The following PTPRQ variants were observed in gnomAD, a reference collection of about 807,000 sequenced individuals.
The protein encoded by PTPRQ is phosphatidylinositol phosphatase PTPRQ.
A neutral mutation model predicts 246.0 loss-of-function variants in PTPRQ; 199 were observed. That is an observed-to-expected ratio of 0.81 (90% CI 0.72 to 0.91). The LOEUF (loss-of-function observed/expected upper bound fraction) is 0.91, where lower values mean the gene tolerates loss of function less well. Among genes scored for constraint, PTPRQ ranks in the 40% least tolerant of loss-of-function variants. The probability of loss-of-function intolerance (pLI) is 0.00; values close to 1 mark genes in which losing one functional copy is unlikely to be tolerated. For missense variants in PTPRQ, 2,624 were observed against 2,528.4 expected (o/e 1.04, Z -0.81); for synonymous variants, 869 against 853.2 (o/e 1.02, Z -0.32).
intron 17 of PTPRQ, among the ~76,000 whole-genome samples, chr12:80,517,419 T>C (rs1592604891): frequency 1.3e-5 from 2 of 152,254 alleles, no homozygotes; most frequent in South Asian, 2.1e-4. Context: ...GTACATGAGA[T>C]ACTTTGATAC....
chr12:80,587,983 C>T, intron 25 of PTPRQ, 146 bp from the exon 26 acceptor site: 1 of 798,334 alleles, frequency 1.3e-6, no homozygotes. Context: ...AGGTTCTTCT[C>T]ATTAAGTGTG....
intron 33 of PTPRQ, among the ~76,000 whole-genome samples, chr12:80,627,393 AGAGGAG>A (rs200600955): frequency 6.7e-6 from 1 of 149,300 alleles, no homozygotes; most frequent in African/African-American, 2.5e-5. Context: ...AGAAGGAGGA[AGAGGAG>A]GAGGAGGAGG....
chr12:80,634,010 C>T (rs1313031956), intron 34 of PTPRQ, among the ~76,000 whole-genome samples: 3 of 152,158 alleles, frequency 2.0e-5, no homozygotes, highest in Non-Finnish European at 4.4e-5. Flanking sequence ...AAATGTGCTT[C>T]CTCCTCCTTC....
intron 17 of PTPRQ, among the ~76,000 whole-genome samples, chr12:80,514,563 A>G (rs1895228122): frequency 6.9e-6 from 1 of 144,888 alleles, no homozygotes; most frequent in Non-Finnish European, 1.5e-5. Flanking sequence ...ATATAAATAT[A>G]TATTATACAA....
intron 27 of PTPRQ, 86 bp downstream of exon 27, chr12:80,605,266 T>G: frequency 2.7e-6 from 4 of 1,482,720 alleles, no homozygotes; most frequent in Non-Finnish European, 3.6e-6. Context: ...AATTTGAATT[T>G]TGGCTCTGTT....
intron 35 of PTPRQ, among the ~76,000 whole-genome samples, chr12:80,637,113 G>A (rs1899683675): frequency 6.6e-6 from 1 of 151,986 alleles, no homozygotes; most frequent in Middle Eastern, 3.2e-3. Context: ...TATAAAATTA[G>A]CCCAGCATGG....
intron 17 of PTPRQ, among the ~76,000 whole-genome samples, chr12:80,531,969 A>T (rs932760499): frequency 6.6e-6 from 1 of 152,074 alleles, no homozygotes; most frequent in African/African-American, 2.4e-5. Flanking sequence ...TTTGAGATAA[A>T]AATTTATTTT....
chr12:80,615,418 G>A (rs141717075), intron 29 of PTPRQ, among the ~76,000 whole-genome samples: 2,485 of 151,022 alleles, frequency 0.016, 52 homozygotes, highest in South Asian at 0.064. Flanking sequence ...TGGGTTTATC[G>A]AGTACAATGA....
At chr12:80,633,848 C>T (rs1899536330) in intron 34 of PTPRQ, among the ~76,000 whole-genome samples, 1 of 152,168 alleles carries the variant, frequency 6.6e-6, no homozygotes, top group African/African-American at 2.4e-5. Context: ...TCTTTTCTGA[C>T]TTCTCATTTC....
At chr12:80,492,856 T>C (rs1230478727) in intron 9 of PTPRQ, among the ~76,000 whole-genome samples, 1 of 152,020 alleles carries the variant, frequency 6.6e-6, no homozygotes, top group East Asian at 1.9e-4. Context: ...CTCTCATGTA[T>C]GGTATACAAA....
At chr12:80,474,038 C>G (rs1303551263) in intron 8 of PTPRQ, among the ~76,000 whole-genome samples, 2 of 152,194 alleles carry the variant, frequency 1.3e-5, no homozygotes, top group Non-Finnish European at 2.9e-5. Flanking sequence ...AGTTCAGCCA[C>G]AGGAGCTGCC....
chr12:80,579,437 C>A (rs1897369426), intron 25 of PTPRQ, among the ~76,000 whole-genome samples: 1 of 152,196 alleles, frequency 6.6e-6, no homozygotes. Flanking sequence ...CCCACTGAAT[C>A]CTTTTTCTTT....
chr12:80,554,080 G>C (rs559271838), intron 25 of PTPRQ, among the ~76,000 whole-genome samples: 8 of 151,832 alleles, frequency 5.3e-5, no homozygotes, highest in African/African-American at 1.5e-4. Flanking sequence ...GGAGGGGCAG[G>C]GGGGGTAGGA....
Position 80,652,047 on chromosome 12 carries a change from T to C in PTPRQ, c.6025-697T>C, listed in dbSNP as rs1201232817. ...ATTTGGCAAGTTGAGATTTCTAAAA[T>C]GGAAAACTATAAATTTCACACATGT... is the stretch of plus-strand genomic sequence containing the variant. On this transcript the variant is annotated intron_variant, in intron 37 of 44. Transcript: ENST00000644991. Among the ~76,000 whole-genome samples, 3 of 152,134 alleles carry C rather than the reference T, an allele frequency of 2.0e-5. No individual in the cohort carries two copies. The East Asian group carries it at 5.8e-4, about 29-fold the overall frequency.
chr12:80,462,001 A>G (rs1304597882), intron 6 of PTPRQ: 2 of 694,650 alleles, frequency 2.9e-6, no homozygotes, highest in African/African-American at 3.5e-5. Context: ...AGGGAGTGCC[A>G]GACAGTGGAT....
intron 25 of PTPRQ, among the ~76,000 whole-genome samples, chr12:80,559,009 A>G (rs1896746008): frequency 6.6e-6 from 1 of 152,024 alleles, no homozygotes; most frequent in Admixed American, 6.5e-5. Flanking sequence ...ATGGTTTGCA[A>G]ATGATTTTTG....
chr12:80,459,422 T>C lies in PTPRQ; in HGVS notation c.599T>C (p.Val200Ala), dbSNP rs945485107. The C allele has an allele frequency of 7.5e-6, 3 of 398,462 alleles. No individual in the cohort carries two copies. Among genetic ancestry groups the C allele is most frequent in the Non-Finnish European group, 1.3e-5 (3 of 225,984 alleles). The allele number at this position is 398,462 out of a possible 1,614,324, so 24.7% of individuals were successfully genotyped here. The change falls in exon 5 of 45, where the codon GTA becomes GCA. Residue 200 changes from valine to alanine, a missense_variant. Transcript: ENST00000644991. ...ISVKHARSGI[V>A]VKDVSIRVED... Reference sequence around the variant, plus strand: ...GTCAAGCATGCCAGAAGTGGGATAGTAGTGAAAGATGTCTCAATCAGAGTA... The same window carrying C: ...GTCAAGCATGCCAGAAGTGGGATAGCAGTGAAAGATGTCTCAATCAGAGTA...
chr12:80,496,937 G>T (rs1053342167), intron 14 of PTPRQ, among the ~76,000 whole-genome samples: 4 of 151,898 alleles, frequency 2.6e-5, no homozygotes, highest in African/African-American at 9.7e-5. Context: ...CACAAAAATG[G>T]CATGCCTGGA....
intron 25 of PTPRQ, among the ~76,000 whole-genome samples, chr12:80,562,856 A>G (rs1422073486): frequency 6.6e-6 from 1 of 152,126 alleles, no homozygotes; most frequent in African/African-American, 2.4e-5. Flanking sequence ...AAAAATAAAT[A>G]AAATTGACAA....
Sources: allele counts gnomAD v4.1 joint callset (sites outside exome capture counted in the v4.1 genomes callset), GRCh38; gene constraint gnomAD v4.1.1; transcripts MANE v1.5; gene names NCBI Gene and HGNC (gene_info 2026-07-23, HGNC 2026-07-21).